Variants in INTS14 observed in about 807,000 individuals in gnomAD.
INTS14 encodes the protein integrator complex subunit 14.
INTS14 carries 27 observed loss-of-function variants against 56.9 expected under a neutral mutation model. The ratio of observed to expected loss-of-function variants is 0.47; its 90% CI spans 0.35 to 0.65. The LOEUF is 0.65. INTS14 is among the 30% of genes least tolerant of loss of function. INTS14 has a pLI of 0.00. For missense variants in INTS14, 517 were observed against 632.2 expected (o/e 0.82, Z 1.95); for synonymous variants, 207 against 236.2 (o/e 0.88, Z 1.13).
At chr15:65,597,135 AACTTAATGTACT>A (rs2073242953) in intron 6 of INTS14, among the ~76,000 whole-genome samples, 1 of 152,214 alleles carries the variant, frequency 6.6e-6, no homozygotes. Flanking sequence ...CTTTTGGTAC[AACTTAATGTACT>A]ACTGTCTAGT....
At chr15:65,608,188 C>T (rs549496529) in intron 1 of INTS14, among the ~76,000 whole-genome samples, 45 of 151,930 alleles carry the variant, frequency 3.0e-4, no homozygotes, top group African/African-American at 9.4e-4. Context: ...CCAGCCTGGC[C>T]AATATGGTGA....
intron 3 of INTS14, among the ~76,000 whole-genome samples, chr15:65,601,531 C>G (rs991252035): frequency 6.6e-6 from 1 of 152,118 alleles, no homozygotes; most frequent in African/African-American, 2.4e-5. Flanking sequence ...TTAGTAGAGA[C>G]GGGGTTTCAC....
chr15:65,598,784 AG>A, intron 5 of INTS14, 87 bp downstream of exon 5: 1 of 1,070,928 alleles, frequency 9.3e-7, no homozygotes, highest in Non-Finnish European at 1.4e-6. Context: ...TGACACAATT[AG>A]GAACAGTAAA....
At chr15:65,586,975 G>A (rs1340032672) in intron 9 of INTS14, 2 of 152,100 alleles carry the variant, frequency 1.3e-5, no homozygotes, top group Admixed American at 6.5e-5. Flanking sequence ...GATCACCAAG[G>A]AATATGGAGA....
chr15:65,584,673 C>T, intron 10 of INTS14, 97 bp downstream of exon 10: 1 of 992,926 alleles, frequency 1.0e-6, no homozygotes, highest in African/African-American at 1.7e-5. Context: ...AAATGAATTA[C>T]TAAGTATCAA....
At chr15:65,602,573 T>C (rs1271945432) in intron 3 of INTS14, among the ~76,000 whole-genome samples, 4 of 152,024 alleles carry the variant, frequency 2.6e-5, no homozygotes, top group South Asian at 2.1e-4. Context: ...GCGTGAGCCG[T>C]CGCGCCTGGC....
chr15:65,593,357 G>A, intron 8 of INTS14, 71 bp downstream of exon 8: 1 of 1,529,022 alleles, frequency 6.5e-7, no homozygotes, highest in Non-Finnish European at 8.8e-7. Flanking sequence ...CTTCAGAAAA[G>A]TCTGCAAAAT....
At chr15:65,601,885 C>T (rs531032778) in intron 3 of INTS14, among the ~76,000 whole-genome samples, 1 of 152,230 alleles carries the variant, frequency 6.6e-6, no homozygotes, top group East Asian at 1.9e-4. Flanking sequence ...ATGAAACAGA[C>T]TTTACTAAAT....
chr15:65,595,089 G>C (rs1186391440), intron 7 of INTS14, among the ~76,000 whole-genome samples: 4 of 152,152 alleles, frequency 2.6e-5, no homozygotes, highest in East Asian at 1.9e-4. Context: ...GTAGAACTAG[G>C]ATTTGAACCT....
intron 7 of INTS14, among the ~76,000 whole-genome samples, chr15:65,595,272 G>A (rs561389735): frequency 3.3e-5 from 5 of 152,324 alleles, no homozygotes; most frequent in Admixed American, 6.5e-5. Flanking sequence ...GGACCCACAA[G>A]GGCCTGGATT....
chr15:65,610,642 C>G, intron 1 of INTS14: 1 of 1,524,444 alleles, frequency 6.6e-7, no homozygotes. Flanking sequence ...TCTCAGCAGT[C>G]TCGCTCTCAA....
chr15:65,604,440 G>T (rs1257592788), intron 3 of INTS14, among the ~76,000 whole-genome samples: 1 of 152,084 alleles, frequency 6.6e-6, no homozygotes, highest in Non-Finnish European at 1.5e-5. Context: ...GGTTAAGTTT[G>T]CTGAATAAAG....
rs750484598 is a variant in INTS14, at chr15:65,595,846, C to T, written c.749-21G>A. ...CAAATCTGAAATGAAGGAATCAACACAGAATTAATTCATTCTATGGAAAAG... is the reference window on the plus strand; with the variant it reads ...CAAATCTGAAATGAAGGAATCAACATAGAATTAATTCATTCTATGGAAAAG... On this transcript the variant is annotated intron_variant, in intron 6 of 11. Transcript: ENST00000313182. The T allele has an allele frequency of 4.6e-6, 7 of 1,534,264 alleles. No homozygotes were observed. In the African/African-American group the frequency reaches 6.9e-5, roughly 15 times the overall value.
chr15:65,587,087 T>C (rs1258466241), intron 9 of INTS14: 1 of 152,188 alleles, frequency 6.6e-6, no homozygotes, highest in Non-Finnish European at 1.5e-5. Flanking sequence ...TTCAAAACTC[T>C]GAGGGAAAAT....
At chr15:65,589,603 G>C (rs1026885620) in intron 9 of INTS14, among the ~76,000 whole-genome samples, 1 of 152,066 alleles carries the variant, frequency 6.6e-6, no homozygotes. Context: ...CTGTAACTTT[G>C]TATCTGTTAC....
chr15:65,599,195 G>T (rs899778354), intron 4 of INTS14, among the ~76,000 whole-genome samples: 4 of 152,202 alleles, frequency 2.6e-5, no homozygotes, highest in Admixed American at 2.6e-4. Flanking sequence ...CACAGGTAGA[G>T]CTATTTCATT....
chr15:65,610,732 C>G, intron 1 of INTS14: 4 of 1,535,700 alleles, frequency 2.6e-6, no homozygotes, highest in Non-Finnish European at 3.5e-6. Flanking sequence ...CTCCCCAGTT[C>G]TCAGATATAA....
At chr15:65,599,266 C>T (rs533382848) in intron 4 of INTS14, 22 of 269,584 alleles carry the variant, frequency 8.2e-5, no homozygotes, top group Admixed American at 1.5e-4. Context: ...CATCTTCCCT[C>T]CAAAGTGTTT....
At chr15:65,589,318 C>T (rs772077933) in intron 9 of INTS14, among the ~76,000 whole-genome samples, 1 of 152,146 alleles carries the variant, frequency 6.6e-6, no homozygotes, top group Non-Finnish European at 1.5e-5. Flanking sequence ...CCACCATGCC[C>T]AGCAAATTTT....
Sources: gnomAD v4.1 joint callset for allele counts (sites outside exome capture counted in the v4.1 genomes callset) on GRCh38, gnomAD v4.1.1 for gene constraint, MANE v1.5 for transcripts, NCBI Gene and HGNC (gene_info 2026-07-23, HGNC 2026-07-21) for gene names.